LPP: variants seen among roughly 807,000 people sequenced by gnomAD.
The protein encoded by LPP is lipoma-preferred partner.
LPP carries 38 observed loss-of-function variants against 60.4 expected under a neutral mutation model. The ratio of observed to expected loss-of-function variants is 0.63; its 90% CI spans 0.49 to 0.83. LPP has a LOEUF of 0.83. Among genes scored for constraint, LPP ranks in the 40% least tolerant of loss-of-function variants. The pLI, the probability that LPP is intolerant of heterozygous loss-of-function variation, is 0.00. For missense variants in LPP, 902 were observed against 783.6 expected, an observed-to-expected ratio of 1.15 and a Z score of -1.80; for synonymous variants, 328 against 290.8, an observed-to-expected ratio of 1.13 and a Z score of -1.30.
At chr3:188,286,293 T>TG (rs2149987459) in intron 2 of LPP, among the ~76,000 whole-genome samples, 1 of 152,222 alleles carries the variant, frequency 6.6e-6, no homozygotes, top group African/African-American at 2.4e-5. Context: ...CCTCTCTCCT[T>TG]GTGTTGAGCA....
At chr3:188,729,121 A>T (rs1045297326) in intron 8 of LPP, among the ~76,000 whole-genome samples, 1 of 152,238 alleles carries the variant, frequency 6.6e-6, no homozygotes, top group African/African-American at 2.4e-5. Flanking sequence ...TTCCAAGTAG[A>T]GAAAGAGAAG....
At chr3:188,363,564 C>A (rs574658009) in intron 3 of LPP, among the ~76,000 whole-genome samples, 1 of 152,086 alleles carries the variant, frequency 6.6e-6, no homozygotes, top group East Asian at 1.9e-4. Context: ...GGGCTCTTTA[C>A]GTCTTTGGTC....
chr3:188,506,834 G>A (rs1560493512), intron 5 of LPP, among the ~76,000 whole-genome samples: 3 of 151,902 alleles, frequency 2.0e-5, no homozygotes, highest in African/African-American at 4.8e-5. Flanking sequence ...GTCTTGCTCT[G>A]TTGCCCAGGC....
chr3:188,804,891 G>A (rs1030809587), intron 9 of LPP, among the ~76,000 whole-genome samples: 5 of 151,884 alleles, frequency 3.3e-5, no homozygotes, highest in Admixed American at 2.0e-4. Flanking sequence ...AGTTTTCTGG[G>A]AGGTTTAATC....
chr3:188,362,875 T>C (rs1769924647), intron 3 of LPP, among the ~76,000 whole-genome samples: 1 of 152,222 alleles, frequency 6.6e-6, no homozygotes, highest in Admixed American at 6.5e-5. Context: ...TTTGATACTT[T>C]AAAATAATGT....
At chr3:188,556,033 T>A (rs143310998) in intron 6 of LPP, among the ~76,000 whole-genome samples, 59 of 152,230 alleles carry the variant, frequency 3.9e-4, no homozygotes, top group African/African-American at 1.3e-3. Context: ...GTGAAAAATG[T>A]GCTTCAAGAG....
intron 3 of LPP, among the ~76,000 whole-genome samples, chr3:188,363,330 A>G (rs1460039739): frequency 6.6e-6 from 1 of 152,234 alleles, no homozygotes; most frequent in Non-Finnish European, 1.5e-5. Flanking sequence ...GGTAAAAACG[A>G]CACTCTTGTC....
intron 4 of LPP, among the ~76,000 whole-genome samples, chr3:188,439,193 G>A (rs1035933789): frequency 1.2e-4 from 19 of 152,142 alleles, no homozygotes; most frequent in Non-Finnish European, 2.5e-4. Flanking sequence ...TTTGGTTGTT[G>A]TGGTAATTGG....
chr3:188,628,986 A>C (rs2151689809), intron 7 of LPP, among the ~76,000 whole-genome samples: 1 of 152,296 alleles, frequency 6.6e-6, no homozygotes, highest in East Asian at 1.9e-4. Context: ...ATCACATAAA[A>C]GAACTAAAGA....
At chr3:188,581,714 T>C (rs1580147549) in intron 6 of LPP, among the ~76,000 whole-genome samples, 1 of 152,244 alleles carries the variant, frequency 6.6e-6, no homozygotes, top group South Asian at 2.1e-4. Context: ...TTATCATTGC[T>C]TCGCTCTATT....
At chr3:188,272,478 G>A (rs867822531) in intron 2 of LPP, among the ~76,000 whole-genome samples, 4 of 152,080 alleles carry the variant, frequency 2.6e-5, no homozygotes, top group African/African-American at 7.2e-5. Context: ...TCCACCTAAC[G>A]GTTCTAGTTT....
intron 9 of LPP, among the ~76,000 whole-genome samples, chr3:188,853,099 G>A (rs1306582113): frequency 5.3e-5 from 8 of 151,990 alleles, no homozygotes; most frequent in Non-Finnish European, 7.4e-5. Context: ...GCAGTGAGCC[G>A]AGATTGTGCC....
At chr3:188,383,083 C>T (rs1364336478) in intron 3 of LPP, among the ~76,000 whole-genome samples, 1 of 152,234 alleles carries the variant, frequency 6.6e-6, no homozygotes, top group African/African-American at 2.4e-5. Flanking sequence ...CAGTGCTCTG[C>T]ACTAAGGCAT....
At position 188,569,611 on chromosome 3, in the gene LPP, T is replaced by C. The variant is rs146605539; in HGVS notation, c.430-39550T>C. Among the ~76,000 whole-genome samples the C allele has an allele frequency of 7.8e-3, 1,188 of 152,106 alleles. 9 individuals carry two copies. Among genetic ancestry groups the C allele is most frequent in the Middle Eastern group, 0.017 (5 of 294 alleles). ...AAATCAATTCACTTATTTTTCTTAG[T>C]AATCCAATGATGTAGCCTGTCATTT... On this transcript the variant is annotated intron_variant, in intron 6 of 11. Coordinates refer to ENST00000617246, the MANE Select transcript of LPP (RefSeq NM_001375462.1).
At chr3:188,871,485 GA>G (rs1410943619) in intron 10 of LPP, among the ~76,000 whole-genome samples, 3 of 152,086 alleles carry the variant, frequency 2.0e-5, no homozygotes, top group African/African-American at 7.2e-5. Context: ...GTGCTGCCAG[GA>G]AAATTAATTA....
Position 188,182,096 on chromosome 3 carries a change from CGTGA to C in LPP, c.-190+27847_-190+27850del, listed in dbSNP as rs1388912224. The stretch of plus-strand genomic sequence containing the variant: ...TGTCTCTTTCTTAAGTCTAACTCCT[CGTGA>C]GTCTTTCCAGCCTCAGCACATTTCC... On this transcript the variant is annotated intron_variant, in intron 1 of 11. Transcript: ENST00000617246. The surrounding 1 kb of genome is among the most constrained non-coding windows in gnomAD (Gnocchi z 4.4). 6.6e-6 allele frequency among the ~76,000 whole-genome samples: 1 copy of C among 152,208 alleles called. No homozygotes were observed. The highest frequency in any genetic ancestry group is 2.4e-5 in the African/African-American group (1 of 41,448).
chr3:188,826,948 C>A (rs911944945), intron 9 of LPP, among the ~76,000 whole-genome samples: 8 of 151,966 alleles, frequency 5.3e-5, no homozygotes, highest in African/African-American at 1.9e-4. Context: ...TAGGGTAGTT[C>A]CTCCCACACT....
At chr3:188,581,317 T>A (rs2150982467) in intron 6 of LPP, among the ~76,000 whole-genome samples, 1 of 152,170 alleles carries the variant, frequency 6.6e-6, no homozygotes, top group African/African-American at 2.4e-5. Context: ...CAGACTGGCA[T>A]TTTACCTCGG....
intron 4 of LPP, among the ~76,000 whole-genome samples, chr3:188,416,511 C>T (rs899350149): frequency 6.6e-6 from 1 of 152,178 alleles, no homozygotes; most frequent in African/African-American, 2.4e-5. Context: ...GGGACCAGTG[C>T]CTTAATCTCC....
Sources: allele counts gnomAD v4.1 joint callset (sites outside exome capture counted in the v4.1 genomes callset), GRCh38; gene constraint gnomAD v4.1.1; non-coding constraint Gnocchi (gnomAD v3.1); transcripts MANE v1.5; gene names NCBI Gene and HGNC (gene_info 2026-07-23, HGNC 2026-07-21).